PTPRD: variants seen among roughly 807,000 people sequenced by gnomAD.
The protein encoded by PTPRD is protein tyrosine phosphatase receptor type D.
A neutral mutation model predicts 214.5 loss-of-function variants in PTPRD; 34 were observed. The observed-to-expected ratio is 0.16, with a 90% CI of 0.12 to 0.21. PTPRD has a LOEUF of 0.21. Among genes scored for constraint, PTPRD ranks in the 10% least tolerant of loss-of-function variants. The pLI, the probability that PTPRD is intolerant of heterozygous loss-of-function variation, is 1.00. For synonymous variants in PTPRD, 1,128 were observed against 845.7 expected (o/e 1.33, Z -5.79); for missense variants, 2,545 against 2,398.7 (o/e 1.06, Z -1.27).
intron 12 of PTPRD, among the ~76,000 whole-genome samples, chr9:8,723,243 C>T (rs2098521255): frequency 6.6e-6 from 1 of 152,090 alleles, no homozygotes; most frequent in Admixed American, 6.6e-5. Flanking sequence ...ATGCTCTGAA[C>T]TCCATTTTTT....
chr9:9,466,652 G>C (rs2094179914), intron 8 of PTPRD, among the ~76,000 whole-genome samples: 2 of 152,122 alleles, frequency 1.3e-5, no homozygotes, highest in Non-Finnish European at 2.9e-5. Flanking sequence ...GGGATATTCT[G>C]TATGGATAGA....
chr9:10,367,615 T>A (rs1022374823), intron 2 of PTPRD, among the ~76,000 whole-genome samples: 1 of 152,032 alleles, frequency 6.6e-6, no homozygotes, highest in African/African-American at 2.4e-5. Context: ...AGGAGATAAG[T>A]CAATATGAAT....
chr9:9,949,622 C>T (rs751539476), intron 4 of PTPRD, among the ~76,000 whole-genome samples: 1 of 152,238 alleles, frequency 6.6e-6, no homozygotes, highest in Middle Eastern at 3.4e-3. Context: ...GCTCCTAGTC[C>T]TACTACGGAG....
At chr9:10,278,161 AC>A (rs1206449723) in intron 3 of PTPRD, among the ~76,000 whole-genome samples, 3 of 152,078 alleles carry the variant, frequency 2.0e-5, no homozygotes, top group African/African-American at 4.8e-5. Context: ...GTCTCAAAAA[AC>A]AAAACAAAAC....
intron 14 of PTPRD, among the ~76,000 whole-genome samples, chr9:8,592,297 T>C (rs146039020): frequency 3.5e-4 from 54 of 152,256 alleles, no homozygotes; most frequent in African/African-American, 1.2e-3. Flanking sequence ...CAAACCTGAC[T>C]TGATCATGTA....
intron 11 of PTPRD, among the ~76,000 whole-genome samples, chr9:8,965,682 T>C (rs1251135132): frequency 1.3e-5 from 2 of 152,096 alleles, no homozygotes; most frequent in East Asian, 1.9e-4. Context: ...GTTAACATTA[T>C]ACCAAATGGG....
At chr9:9,844,370 T>A (rs1336342651) in intron 5 of PTPRD, among the ~76,000 whole-genome samples, 2 of 152,018 alleles carry the variant, frequency 1.3e-5, no homozygotes, top group African/African-American at 4.8e-5. Context: ...CTACATGATC[T>A]AATTTATATA....
At position 9,413,404 on chromosome 9, in the gene PTPRD, G is replaced by A. The variant is rs990106686; in HGVS notation, c.-236-15922C>T. Among the ~76,000 whole-genome samples the A allele has an allele frequency of 5.3e-5, 8 of 152,100 alleles. No homozygotes were observed. The East Asian group carries it at 7.8e-4, about 15-fold the overall frequency. ...GCTGGGATTACAGGCGTGAGCCACC[G>A]CGCCCGGCCTGCAGCTTCTTATTTT... On this transcript the variant is annotated intron_variant, in intron 8 of 45. Transcript: ENST00000381196.
intron 7 of PTPRD, among the ~76,000 whole-genome samples, chr9:9,656,868 G>GAT (rs113691095): frequency 0.016 from 2,417 of 148,246 alleles, 54 homozygotes; most frequent in African/African-American, 0.045. Context: ...AATAGGAAAA[G>GAT]ATATATATAT....
At chr9:9,714,014 C>A (rs962167935) in intron 7 of PTPRD, among the ~76,000 whole-genome samples, 1 of 150,402 alleles carries the variant, frequency 6.6e-6, no homozygotes. Flanking sequence ...TGTCTTGGAC[C>A]CAGTGTAGCT....
At position 8,472,635 on chromosome 9, in the gene PTPRD, G is replaced by T. The variant is rs113068120; in HGVS notation, c.3414-1550C>A. On this transcript the variant is annotated intron_variant, in intron 30 of 45. Transcript: ENST00000381196. ...CATTTCAAAGACTTAGCATTAAAAA[G>T]AGTGTGAAATATCTCAGTAATAATT... Among the ~76,000 whole-genome samples, 1,142 of 152,210 alleles carry T rather than the reference G, an allele frequency of 7.5e-3. 17 individuals carry two copies. Among genetic ancestry groups the T allele is most frequent in the African/African-American group, 0.026 (1,068 of 41,524 alleles).
At chr9:9,665,940 G>T (rs1210769106) in intron 7 of PTPRD, among the ~76,000 whole-genome samples, 5 of 151,822 alleles carry the variant, frequency 3.3e-5, no homozygotes, top group African/African-American at 1.2e-4. Context: ...TGTATATAAA[G>T]TCCAGAAAGA....
At chr9:10,449,273 G>A (rs2098820965) in intron 2 of PTPRD, among the ~76,000 whole-genome samples, 1 of 151,880 alleles carries the variant, frequency 6.6e-6, no homozygotes, top group South Asian at 2.1e-4. Context: ...GCTCCTGACG[G>A]CGAGTGATCT....
Position 8,317,907 on chromosome 9 carries a change from C to T in PTPRD, c.5706G>A (p.Glu1902=), listed in dbSNP as rs1395809726. Residue 1902 remains glutamate, a synonymous_variant, in exon 46 of 46, where the codon GAG becomes GAA. Coordinates refer to ENST00000381196, the MANE Select transcript of PTPRD (RefSeq NM_002839.4). ...QYQFSYRAAL[E]YLGSFDHYAT is the part of the protein sequence containing the mutation. ...CATAGTGGTCAAAGCTGCCCAGGTACTCTAGTGCGGCACGATAGGAAAACT... is the reference window on the plus strand; with the variant it reads ...CATAGTGGTCAAAGCTGCCCAGGTATTCTAGTGCGGCACGATAGGAAAACT... 1 of 1,612,082 alleles carries T rather than the reference C, an allele frequency of 6.2e-7. No individual in the cohort carries two copies. The highest frequency in any genetic ancestry group is 2.2e-5 in the East Asian group (1 of 44,838).
chr9:10,184,454 T>G (rs1383162095), intron 3 of PTPRD, among the ~76,000 whole-genome samples: 2 of 151,916 alleles, frequency 1.3e-5, no homozygotes, highest in Admixed American at 6.6e-5. Context: ...AAATAATAAA[T>G]TTTAGAATTC....
chr9:9,298,331 G>A (rs1485875527), intron 9 of PTPRD, among the ~76,000 whole-genome samples: 1 of 151,504 alleles, frequency 6.6e-6, no homozygotes, highest in African/African-American at 2.4e-5. Flanking sequence ...TTGAATATAT[G>A]CTGATTCCCT....
chr9:9,556,930 G>A (rs76381822), intron 8 of PTPRD, among the ~76,000 whole-genome samples: 1,716 of 152,224 alleles, frequency 0.011, 13 homozygotes, highest in Non-Finnish European at 0.018. Flanking sequence ...GTAGAAAAGA[G>A]TAAAGATTTC....
chr9:10,201,598 G>A (rs1026659595), intron 3 of PTPRD, among the ~76,000 whole-genome samples: 1 of 151,962 alleles, frequency 6.6e-6, no homozygotes, highest in Non-Finnish European at 1.5e-5. Context: ...GTGTGCATGT[G>A]TGTGTGTATA....
chr9:8,339,964 A>T (rs1850923111), intron 42 of PTPRD, among the ~76,000 whole-genome samples: 1 of 152,140 alleles, frequency 6.6e-6, no homozygotes, highest in Non-Finnish European at 1.5e-5. Flanking sequence ...AATTTGCCTC[A>T]GGAAGAAAAG....
Sources: allele counts gnomAD v4.1 joint callset (sites outside exome capture counted in the v4.1 genomes callset), GRCh38; gene constraint gnomAD v4.1.1; transcripts MANE v1.5; gene names NCBI Gene and HGNC (gene_info 2026-07-23, HGNC 2026-07-21).